Variants in TBC1D9 observed in about 807,000 individuals in gnomAD.
TBC1D9 encodes the protein TBC1 domain family member 9A.
A neutral mutation model predicts 132.0 loss-of-function variants in TBC1D9; 63 were observed. That is an observed-to-expected ratio of 0.48 (90% CI 0.39 to 0.59). The LOEUF is 0.59. Ranked by LOEUF, TBC1D9 falls within the 20% of genes least tolerant of loss-of-function variation. TBC1D9 has a pLI of 0.00. For synonymous variants in TBC1D9, 610 were observed against 609.9 expected, an observed-to-expected ratio of 1.00 and a Z score of 0.00; for missense variants, 1,261 against 1,592.7, an observed-to-expected ratio of 0.79 and a Z score of 3.54.
chr4:140,674,500 C>T (rs533465302), intron 6 of TBC1D9, among the ~76,000 whole-genome samples: 21 of 151,904 alleles, frequency 1.4e-4, no homozygotes, highest in East Asian at 3.9e-4. Flanking sequence ...ATATACTTTA[C>T]GGAATAAACT....
chr4:140,745,780 C>A (rs959002712), intron 1 of TBC1D9, among the ~76,000 whole-genome samples: 3 of 152,026 alleles, frequency 2.0e-5, no homozygotes, highest in African/African-American at 7.2e-5. Flanking sequence ...TCCCTAACCC[C>A]CTGTGTATTT....
At chr4:140,626,135 T>A (rs145047423) in intron 18 of TBC1D9, among the ~76,000 whole-genome samples, 1 of 152,236 alleles carries the variant, frequency 6.6e-6, no homozygotes, top group South Asian at 2.1e-4. Flanking sequence ...ATGTGACTGC[T>A]AATGGTATTA....
At position 140,640,770 on chromosome 4, in the gene TBC1D9, T is replaced by G. The variant is rs115658618; in HGVS notation, c.2338-1342A>C. Among the ~76,000 whole-genome samples the G allele has an allele frequency of 5.3e-3, 806 of 152,300 alleles. 5 individuals carry two copies. The highest frequency in any genetic ancestry group is 8.8e-3 in the Non-Finnish European group (602 of 68,026). On this transcript the variant is annotated intron_variant, in intron 13 of 20. Coordinates refer to ENST00000442267, the MANE Select transcript of TBC1D9 (RefSeq NM_015130.3). Reference sequence around the variant, plus strand: ...TGCAACCAAAACTCTTATATACTGCTGGTTGGAGTATCAGTTGCTACAACC... The same window carrying G: ...TGCAACCAAAACTCTTATATACTGCGGGTTGGAGTATCAGTTGCTACAACC...
chr4:140,715,344 G>A (rs544902412), intron 1 of TBC1D9, among the ~76,000 whole-genome samples: 1 of 152,214 alleles, frequency 6.6e-6, no homozygotes, highest in South Asian at 2.1e-4. Flanking sequence ...TCAGTTGGGG[G>A]AGCTTAGAAT....
At chr4:140,631,412 C>T (rs954815009) in intron 16 of TBC1D9, among the ~76,000 whole-genome samples, 5 of 151,974 alleles carry the variant, frequency 3.3e-5, no homozygotes, top group Admixed American at 6.6e-5. Flanking sequence ...TTAGTAGAGA[C>T]GGGTTTCACC....
intron 1 of TBC1D9, among the ~76,000 whole-genome samples, chr4:140,742,503 G>A (rs1489185554): frequency 1.6e-5 from 2 of 122,538 alleles, no homozygotes; most frequent in Non-Finnish European, 3.1e-5. Context: ...CTGCATTCCA[G>A]CCTGGGCAAC....
chr4:140,690,123 T>C (rs1737854608), intron 2 of TBC1D9, among the ~76,000 whole-genome samples: 1 of 152,106 alleles, frequency 6.6e-6, no homozygotes, highest in South Asian at 2.1e-4. Flanking sequence ...AAATGGTATA[T>C]GCCCATATGA....
chr4:140,670,681 A>G (rs1052575072), intron 7 of TBC1D9, 39 bp downstream of exon 7: 35 of 1,576,764 alleles, frequency 2.2e-5, no homozygotes, highest in Non-Finnish European at 2.9e-5. Flanking sequence ...GCACAGGAAC[A>G]GGATAAACCA....
At chr4:140,689,959 C>T (rs1170271235) in intron 2 of TBC1D9, among the ~76,000 whole-genome samples, 1 of 151,246 alleles carries the variant, frequency 6.6e-6, no homozygotes, top group Non-Finnish European at 1.5e-5. Flanking sequence ...TGGCCTCAAG[C>T]AATCCGCCAG....
rs140536997 is a variant in TBC1D9 at position 140,660,987 on chromosome 4, T to C, written c.1803+906A>G. On this transcript the variant is annotated intron_variant, in intron 10 of 20. Coordinates refer to ENST00000442267, the MANE Select transcript of TBC1D9 (RefSeq NM_015130.3). ...TGGAGTGCAGTGGTATGATCTCAGCTCATTGCAAGCTCCACCTCCCGGGTT... is the reference window on the plus strand; with the variant it reads ...TGGAGTGCAGTGGTATGATCTCAGCCCATTGCAAGCTCCACCTCCCGGGTT... 8.3e-3 allele frequency among the ~76,000 whole-genome samples: 1,269 copies of C among 152,182 alleles called. 16 individuals carry two copies. Among genetic ancestry groups the C allele is most frequent in the African/African-American group, 0.028 (1,171 of 41,496 alleles).
chr4:140,634,382 CACCA>C (rs1203537509), intron 15 of TBC1D9, among the ~76,000 whole-genome samples, 194 bp from the exon 16 acceptor site: 1 of 152,202 alleles, frequency 6.6e-6, no homozygotes, highest in Non-Finnish European at 1.5e-5. Flanking sequence ...ACTGCCTCCA[CACCA>C]ACCACTTCTG....
intron 1 of TBC1D9, among the ~76,000 whole-genome samples, chr4:140,720,604 G>A (rs1167672939): frequency 6.6e-6 from 1 of 152,214 alleles, no homozygotes; most frequent in African/African-American, 2.4e-5. Context: ...CCACACACAG[G>A]AAATGCAGGC....
intron 12 of TBC1D9, 146 bp downstream of exon 12, chr4:140,657,381 A>G (rs555892164): frequency 7.4e-7 from 1 of 1,349,026 alleles, no homozygotes; most frequent in African/African-American, 1.5e-5. Flanking sequence ...TAATTTCTAA[A>G]GAAAAAGCAT....
chr4:140,705,926 G>A (rs1205624483), intron 1 of TBC1D9, among the ~76,000 whole-genome samples: 2 of 152,132 alleles, frequency 1.3e-5, no homozygotes, highest in Admixed American at 6.5e-5. Flanking sequence ...TATTACATTA[G>A]TACAGTGGCA....
chr4:140,751,998 T>C (rs1738931750), intron 1 of TBC1D9, among the ~76,000 whole-genome samples: 1 of 152,182 alleles, frequency 6.6e-6, no homozygotes, highest in Admixed American at 6.5e-5. Context: ...TTGGTACAAC[T>C]ACTTTGGAAA....
chr4:140,754,857 T>C (rs1738984195), intron 1 of TBC1D9, among the ~76,000 whole-genome samples: 1 of 152,062 alleles, frequency 6.6e-6, no homozygotes, highest in African/African-American at 2.4e-5. Context: ...GACACCTGAA[T>C]TTTAATCTTA....
At chr4:140,710,950 G>A (rs2111047997) in intron 1 of TBC1D9, among the ~76,000 whole-genome samples, 1 of 152,274 alleles carries the variant, frequency 6.6e-6, no homozygotes, top group East Asian at 1.9e-4. Flanking sequence ...CTGTGTACAA[G>A]CATACCTAGG....
At chr4:140,742,871 A>G in intron 1 of TBC1D9, among the ~76,000 whole-genome samples, 1 of 148,994 alleles carries the variant, frequency 6.7e-6, no homozygotes, top group South Asian at 2.2e-4. Context: ...GTGCAGGGGC[A>G]GGGGAGAGAG....
intron 1 of TBC1D9, among the ~76,000 whole-genome samples, chr4:140,729,397 C>T (rs1045825870): frequency 7.2e-5 from 11 of 152,282 alleles, no homozygotes; most frequent in African/African-American, 2.6e-4. Context: ...AACACATTCT[C>T]GAACTGCAAT....
Sources: gnomAD v4.1 joint callset for allele counts (sites outside exome capture counted in the v4.1 genomes callset) on GRCh38, gnomAD v4.1.1 for gene constraint, MANE v1.5 for transcripts, NCBI Gene and HGNC (gene_info 2026-07-23, HGNC 2026-07-21) for gene names.